The following IP6K1 variants were observed in gnomAD, a reference collection of about 807,000 sequenced individuals.
The protein encoded by IP6K1 is inositol hexakisphosphate kinase 1, also known as ATP:1D-myo-inositol-hexakisphosphate phosphotransferase.
IP6K1 carries 13 observed loss-of-function variants against 38.3 expected under a neutral mutation model. That is an observed-to-expected ratio of 0.34 (90% CI 0.22 to 0.54). IP6K1 has a LOEUF of 0.54. Ranked by LOEUF, IP6K1 falls within the 20% of genes least tolerant of loss-of-function variation. The probability of loss-of-function intolerance (pLI) is 0.92; values close to 1 mark genes in which losing one functional copy is unlikely to be tolerated. For synonymous variants in IP6K1, 212 were observed against 229.9 expected (o/e 0.92, Z 0.70); for missense variants, 397 against 599.8 (o/e 0.66, Z 3.53).
chr3:49,726,723 T>G lies in IP6K1; in HGVS notation c.*399A>C. 3.8e-6 allele frequency: 1 copy of G among 260,664 alleles called. No individual in the cohort carries two copies. Among genetic ancestry groups the G allele is most frequent in the Non-Finnish European group, 7.2e-6 (1 of 139,462 alleles). 16.1% of individuals were successfully genotyped at this position (260,664 alleles called of 1,614,324 possible). A position where few individuals can be genotyped will look rare whatever the true frequency, so the allele number is the denominator to read the frequency against. On this transcript the variant is annotated 3_prime_UTR_variant, in exon 6 of 6. Transcript: ENST00000321599. ...CTACTTCTGGGGAACAAGGGAAGAG[T>G]GGGCGTGGAGGGGCCCTGCACCAGC...
At chr3:49,738,949 T>C (rs1217097674) in intron 2 of IP6K1, among the ~76,000 whole-genome samples, 1 of 152,208 alleles carries the variant, frequency 6.6e-6, no homozygotes, top group Non-Finnish European at 1.5e-5. Context: ...CTTCCACCCC[T>C]GGCATCTCGA....
At chr3:49,774,406 T>TA (rs1559715490) in intron 1 of IP6K1, among the ~76,000 whole-genome samples, 1 of 36,162 alleles carries the variant, frequency 2.8e-5, no homozygotes. Flanking sequence ...AGACTCCATC[T>TA]CAAAAAAAAA....
chr3:49,740,200 G>A (rs561000613), intron 2 of IP6K1, among the ~76,000 whole-genome samples: 2 of 147,552 alleles, frequency 1.4e-5, no homozygotes, highest in Non-Finnish European at 3.0e-5. Flanking sequence ...TCAATAGATC[G>A]ATCGATAGAA....
At position 49,732,748 on chromosome 3, in the gene IP6K1, A is replaced by G. The variant is rs372042385; in HGVS notation, c.616+43T>C. 52 of 1,556,674 alleles carry G rather than the reference A, an allele frequency of 3.3e-5. No homozygotes were observed. In the African/African-American group the frequency reaches 6.2e-4, roughly 19 times the overall value. ...AGAATGGTGCCCCAACACACGACCT[A>G]TGGACCCAGTAGACACTCCTGAAGG... is the stretch of plus-strand genomic sequence containing the variant. On this transcript the variant is annotated intron_variant, in intron 4 of 5. Coordinates refer to ENST00000321599, the MANE Select transcript of IP6K1 (RefSeq NM_153273.4).
chr3:49,737,008 G>A (rs894873128), intron 3 of IP6K1, among the ~76,000 whole-genome samples: 5 of 150,752 alleles, frequency 3.3e-5, no homozygotes, highest in East Asian at 2.0e-4. Flanking sequence ...TCCTGACCTC[G>A]TGATCTGCCT....
intron 1 of IP6K1, among the ~76,000 whole-genome samples, chr3:49,777,424 G>C (rs978461205): frequency 6.6e-6 from 1 of 151,696 alleles, no homozygotes; most frequent in African/African-American, 2.4e-5. Context: ...TTAGCCGGGC[G>C]TGGTGGCACA....
chr3:49,748,760 G>C (rs575456190), intron 1 of IP6K1: 1 of 152,958 alleles, frequency 6.5e-6, no homozygotes, highest in South Asian at 2.1e-4. Flanking sequence ...CTTTTCCACA[G>C]AACGGGTGTG....
intron 2 of IP6K1, among the ~76,000 whole-genome samples, chr3:49,746,095 T>C (rs1406425405): frequency 1.3e-5 from 2 of 152,082 alleles, no homozygotes; most frequent in Non-Finnish European, 2.9e-5. Context: ...CCCTTGTACA[T>C]TGCTGGTAAG....
Position 49,740,228 on chromosome 3 carries a change from CTTTTTTTT to C in IP6K1, c.224-1814_224-1807del, listed in dbSNP as rs71080547. Among the ~76,000 whole-genome samples the C allele has an allele frequency of 2.0e-4, 15 of 76,500 alleles. No individual in the cohort carries two copies. The South Asian group carries it at 4.6e-3, about 23-fold the overall frequency. The allele number at this position is 76,500 out of a possible 152,430, so 50.2% of individuals were successfully genotyped here. ...CGATAGAAACATAAAATTTGCAATT[CTTTTTTTT>C]TTTTTTTTTTTTTTGGTAGCGACAA... On this transcript the variant is annotated intron_variant, in intron 2 of 5. Coordinates refer to ENST00000321599, the MANE Select transcript of IP6K1 (RefSeq NM_153273.4).
intron 2 of IP6K1, among the ~76,000 whole-genome samples, chr3:49,747,095 T>C (rs537372894): frequency 6.6e-6 from 1 of 152,262 alleles, no homozygotes; most frequent in South Asian, 2.1e-4. Flanking sequence ...AAAAAGTCAA[T>C]TCTATAGCAC....
chr3:49,775,722 G>C (rs944853630), intron 1 of IP6K1: 2 of 380,460 alleles, frequency 5.3e-6, no homozygotes, highest in Non-Finnish European at 9.5e-6. Context: ...ATCACCAGGA[G>C]TGCCTGCTAG....
chr3:49,765,049 C>T (rs753636943), intron 1 of IP6K1, among the ~76,000 whole-genome samples: 23 of 152,166 alleles, frequency 1.5e-4, no homozygotes, highest in Middle Eastern at 3.4e-3. Flanking sequence ...AGATCCTAAA[C>T]GAGATTAACA....
At chr3:49,752,854 A>G (rs1421251329) in intron 1 of IP6K1, among the ~76,000 whole-genome samples, 6 of 151,576 alleles carry the variant, frequency 4.0e-5, no homozygotes. Flanking sequence ...CCTGGGTTCA[A>G]GCAATTCCCA....
intron 1 of IP6K1, among the ~76,000 whole-genome samples, chr3:49,766,084 GA>G (rs988059249): frequency 2.6e-5 from 4 of 152,094 alleles, no homozygotes; most frequent in Non-Finnish European, 5.9e-5. Context: ...GCTGAGGCAG[GA>G]GAATGGTGTC....
At chr3:49,728,748 T>C (rs1046160288) in intron 4 of IP6K1, among the ~76,000 whole-genome samples, 14 of 152,072 alleles carry the variant, frequency 9.2e-5, no homozygotes, top group Non-Finnish European at 1.3e-4. Context: ...GCTCATTTTT[T>C]GTATTTTTAG....
intron 2 of IP6K1, among the ~76,000 whole-genome samples, chr3:49,741,174 A>G (rs1042069195): frequency 2.0e-5 from 3 of 152,068 alleles, no homozygotes; most frequent in African/African-American, 4.8e-5. Context: ...TTTTGGATAT[A>G]TATGTAGGAG....
At chr3:49,742,870 A>G (rs574901608) in intron 2 of IP6K1, among the ~76,000 whole-genome samples, 212 of 152,232 alleles carry the variant, frequency 1.4e-3, no homozygotes, top group Middle Eastern at 0.01. Context: ...CAGTCTGGGC[A>G]ACAGAGTGAG....
intron 2 of IP6K1, among the ~76,000 whole-genome samples, chr3:49,740,204 G>A (rs1242400464): frequency 6.8e-6 from 1 of 147,220 alleles, no homozygotes; most frequent in East Asian, 2.0e-4. Context: ...TAGATCGATC[G>A]ATAGAAACAT....
intron 1 of IP6K1, among the ~76,000 whole-genome samples, chr3:49,758,035 C>T (rs1165171302): frequency 6.6e-6 from 1 of 152,088 alleles, no homozygotes; most frequent in Non-Finnish European, 1.5e-5. Flanking sequence ...AGTGGCCAGG[C>T]GCAGTGGCTT....
Sources: gnomAD v4.1 joint callset for allele counts (sites outside exome capture counted in the v4.1 genomes callset) on GRCh38, gnomAD v4.1.1 for gene constraint, MANE v1.5 for transcripts, NCBI Gene and HGNC (gene_info 2026-07-23, HGNC 2026-07-21) for gene names.